RNF214: variants seen among roughly 807,000 people sequenced by gnomAD.
RNF214 encodes the protein ring finger protein 214.
A neutral mutation model predicts 75.9 loss-of-function variants in RNF214; 25 were observed. The ratio of observed to expected loss-of-function variants is 0.33; its 90% CI spans 0.24 to 0.46. The LOEUF is 0.46. RNF214 is among the 20% of genes least tolerant of loss of function. The pLI is 1.00. For synonymous variants in RNF214, 314 were observed against 308.8 expected (o/e 1.02, Z -0.18); for missense variants, 725 against 857.5 (o/e 0.85, Z 1.93).
rs542390368 is a variant in RNF214, at chr11:117,258,210, A to G, written c.959+11262A>G. ...CAGCCTCCCTAGTAGCAGGGACTAC[A>G]GGTGCATGCCACCACACCCAGCTGA... On this transcript the variant is annotated intron_variant, in intron 6 of 14. Transcript: ENST00000300650. 1.7e-4 allele frequency among the ~76,000 whole-genome samples: 26 copies of G among 152,144 alleles called. 2 individuals carry two copies. The highest frequency in any genetic ancestry group is 6.3e-4 in the African/African-American group (26 of 41,498).
chr11:117,267,711 A>C (rs1441202297), intron 6 of RNF214, among the ~76,000 whole-genome samples: 3 of 152,092 alleles, frequency 2.0e-5, no homozygotes, highest in African/African-American at 7.2e-5. Context: ...CCTGGGCGAC[A>C]GAGCAAGATC....
At chr11:117,270,221 ATTTTCTTTTC>A (rs1371279035) in intron 6 of RNF214, among the ~76,000 whole-genome samples, 6 of 99,158 alleles carry the variant, frequency 6.1e-5, no homozygotes, top group Admixed American at 2.0e-4. Flanking sequence ...AGGCTTTTCA[ATTTTCTTTTC>A]TTTTCTTTTC....
intron 8 of RNF214, among the ~76,000 whole-genome samples, chr11:117,280,883 C>T (rs867144630): frequency 6.6e-6 from 1 of 151,364 alleles, no homozygotes; most frequent in African/African-American, 2.4e-5. Context: ...CAAAGGAATT[C>T]GAATCTTGGG....
chr11:117,240,383 T>TG (rs2033037413), intron 4 of RNF214, among the ~76,000 whole-genome samples: 1 of 88,282 alleles, frequency 1.1e-5, no homozygotes, highest in Non-Finnish European at 2.4e-5. Flanking sequence ...TCAAAAAAAA[T>TG]TAAAAAAAAA....
At chr11:117,247,278 C>T (rs2033249338) in intron 6 of RNF214, among the ~76,000 whole-genome samples, 1 of 152,076 alleles carries the variant, frequency 6.6e-6, no homozygotes, top group Admixed American at 6.6e-5. Flanking sequence ...TTGCTTGAGG[C>T]CAGGAGTTTG....
chr11:117,239,648 G>A (rs913795348), intron 3 of RNF214, 153 bp from the exon 4 acceptor site: 18 of 637,758 alleles, frequency 2.8e-5, no homozygotes, highest in Admixed American at 5.6e-5. Context: ...GTTGGTGTCC[G>A]TTTGCCAGAA....
chr11:117,253,611 G>C (rs1057480740), intron 6 of RNF214, among the ~76,000 whole-genome samples: 5 of 151,106 alleles, frequency 3.3e-5, no homozygotes, highest in Admixed American at 2.0e-4. Context: ...GGAGGCCAAG[G>C]CGGGAGGATT....
chr11:117,257,481 G>A (rs2134385810), intron 6 of RNF214, among the ~76,000 whole-genome samples: 1 of 152,320 alleles, frequency 6.6e-6, no homozygotes, highest in South Asian at 2.1e-4. Context: ...CAATTTTGAG[G>A]GTGAAGTCAT....
intron 6 of RNF214, among the ~76,000 whole-genome samples, chr11:117,258,376 C>A (rs1025845591): frequency 2.6e-5 from 4 of 152,022 alleles, no homozygotes; most frequent in Admixed American, 2.0e-4. Context: ...CCCGTCTTTT[C>A]TTTTTCGTTG....
Position 117,274,829 on chromosome 11 carries a change from C to G in RNF214, c.960-5079C>G, listed in dbSNP as rs964952338. ...AGAACACAGATGGGCGCCATGATGT[C>G]TGGCTAATTTTTGTAAATTTTTTTT... On this transcript the variant is annotated intron_variant, in intron 6 of 14. Coordinates refer to ENST00000300650, the MANE Select transcript of RNF214 (RefSeq NM_207343.4). 5.3e-5 allele frequency among the ~76,000 whole-genome samples: 8 copies of G among 152,096 alleles called. No homozygotes were observed. The South Asian group carries it at 1.0e-3, about 20-fold the overall frequency.
intron 4 of RNF214, among the ~76,000 whole-genome samples, chr11:117,241,665 G>A (rs779812880): frequency 6.6e-5 from 10 of 151,708 alleles, no homozygotes; most frequent in African/African-American, 1.2e-4. Flanking sequence ...TTAGCCATGT[G>A]TATATTTGAA....
chr11:117,261,070 T>C (rs1591830594), intron 6 of RNF214, among the ~76,000 whole-genome samples: 1 of 152,190 alleles, frequency 6.6e-6, no homozygotes, highest in Non-Finnish European at 1.5e-5. Context: ...GGACCTCCAG[T>C]ACAATATTGA....
chr11:117,236,623 A>G (rs895046069), intron 2 of RNF214, among the ~76,000 whole-genome samples: 5 of 152,176 alleles, frequency 3.3e-5, no homozygotes, highest in Admixed American at 3.3e-4. Context: ...AGTAGCTAAC[A>G]CTTAACTACA....
At chr11:117,279,256 C>T (rs567760719) in intron 6 of RNF214, among the ~76,000 whole-genome samples, 5 of 146,516 alleles carry the variant, frequency 3.4e-5, no homozygotes, top group Non-Finnish European at 7.5e-5. Flanking sequence ...CAATGGAGGG[C>T]TTTTGTTCTA....
chr11:117,271,316 C>T (rs183826594), intron 6 of RNF214, among the ~76,000 whole-genome samples: 1 of 152,330 alleles, frequency 6.6e-6, no homozygotes, highest in African/African-American at 2.4e-5. Context: ...CCACCTTGGC[C>T]TCTGTGAACC....
intron 6 of RNF214, among the ~76,000 whole-genome samples, chr11:117,251,072 C>A (rs910466497): frequency 1.3e-5 from 2 of 151,024 alleles, no homozygotes; most frequent in African/African-American, 2.4e-5. Flanking sequence ...CCTTTCCCCC[C>A]TTTCTATTCC....
chr11:117,259,109 A>G (rs1487782119), intron 6 of RNF214, among the ~76,000 whole-genome samples: 2 of 152,090 alleles, frequency 1.3e-5, no homozygotes, highest in African/African-American at 4.8e-5. Context: ...GATGTGCACG[A>G]TCACGCCCAG....
chr11:117,240,216 G>C (rs146524869), intron 4 of RNF214, among the ~76,000 whole-genome samples: 1 of 151,532 alleles, frequency 6.6e-6, no homozygotes, highest in Non-Finnish European at 1.5e-5. Context: ...AGCCAGGTGT[G>C]GTGGTGCATG....
intron 1 of RNF214, among the ~76,000 whole-genome samples, chr11:117,233,493 C>T (rs762145232): frequency 6.6e-6 from 1 of 152,222 alleles, no homozygotes; most frequent in African/African-American, 2.4e-5. Context: ...TCATCCCCAC[C>T]TCCCAAGTAT....
Sources: gnomAD v4.1 joint callset for allele counts (sites outside exome capture counted in the v4.1 genomes callset) on GRCh38, gnomAD v4.1.1 for gene constraint, MANE v1.5 for transcripts, NCBI Gene and HGNC (gene_info 2026-07-23, HGNC 2026-07-21) for gene names.